CPA6: variants seen among roughly 807,000 people sequenced by gnomAD.
CPA6 encodes the protein carboxypeptidase A6.
In CPA6, 58 loss-of-function variants were observed where a neutral mutation model predicts 63.3. The ratio of observed to expected loss-of-function variants is 0.92; its 90% CI spans 0.74 to 1.14. The LOEUF is 1.14. CPA6 is among the 50% of genes most tolerant of loss of function. CPA6 has a pLI of 0.00. For missense variants in CPA6, 565 were observed against 526.6 expected, an observed-to-expected ratio of 1.07 and a Z score of -0.71; for synonymous variants, 185 against 179.0, an observed-to-expected ratio of 1.03 and a Z score of -0.27.
intron 2 of CPA6, among the ~76,000 whole-genome samples, chr8:67,586,308 C>T (rs144062194): frequency 5.0e-4 from 76 of 152,222 alleles, no homozygotes; most frequent in Admixed American, 8.5e-4. Context: ...GGGGCTTCTA[C>T]GTGGGCTTTG....
chr8:67,486,963 T>TC (rs972202785), intron 6 of CPA6, among the ~76,000 whole-genome samples: 3 of 152,000 alleles, frequency 2.0e-5, no homozygotes, highest in African/African-American at 7.3e-5. Context: ...ACTCCTGGGC[T>TC]CAAGTGATCC....
chr8:67,607,244 T>TTCTTCTTCTTCTTCTTCTTCTTCTTCC (rs1814686848), intron 2 of CPA6, among the ~76,000 whole-genome samples: 1 of 128,434 alleles, frequency 7.8e-6, no homozygotes, highest in African/African-American at 3.0e-5. Flanking sequence ...CTTCTTCTTC[T>TTCTTCTTCTTCTTCTTCTTCTTCTTCC]TCTTCTTCTC....
At chr8:67,646,973 T>C (rs1197029264) in intron 1 of CPA6, among the ~76,000 whole-genome samples, 1 of 152,192 alleles carries the variant, frequency 6.6e-6, no homozygotes, top group Non-Finnish European at 1.5e-5. Flanking sequence ...CAGAATGATA[T>C]CTAATTTATA....
intron 2 of CPA6, among the ~76,000 whole-genome samples, chr8:67,605,355 C>T (rs1814605271): frequency 1.3e-5 from 2 of 151,960 alleles, no homozygotes; most frequent in South Asian, 4.2e-4. Context: ...CCATGGATAC[C>T]AAAATTTGCA....
intron 1 of CPA6, among the ~76,000 whole-genome samples, chr8:67,699,601 T>C (rs544486593): frequency 6.6e-6 from 1 of 151,716 alleles, no homozygotes; most frequent in East Asian, 1.9e-4. Flanking sequence ...TTTTTTTTTT[T>C]CTTGAGACAG....
intron 2 of CPA6, among the ~76,000 whole-genome samples, chr8:67,544,224 G>A (rs7824497): frequency 6.6e-6 from 1 of 151,974 alleles, no homozygotes; most frequent in African/African-American, 2.4e-5. Flanking sequence ...TCAGGTTTGA[G>A]ATAAATCCAG....
chr8:67,710,758 G>T lies in CPA6; in HGVS notation c.116+35256C>A, dbSNP rs376172244. Among the ~76,000 whole-genome samples, 113 of 151,476 alleles carry T rather than the reference G, an allele frequency of 7.5e-4. 1 individual carries two copies. The East Asian group carries it at 0.013, about 17-fold the overall frequency. On this transcript the variant is annotated intron_variant, in intron 1 of 10. Coordinates refer to ENST00000297770, the MANE Select transcript of CPA6 (RefSeq NM_020361.5). ...GGGGTCTGTTTAGTCTGTTGGGGGG[G>T]GCTTAGAATTTTATTTTTGGTTAAG...
At chr8:67,675,845 A>AT (rs150004920) in intron 1 of CPA6, among the ~76,000 whole-genome samples, 4 of 152,150 alleles carry the variant, frequency 2.6e-5, no homozygotes, top group East Asian at 1.9e-4. Context: ...CTTTCTGCAC[A>AT]TTTTTTAAGA....
At chr8:67,580,905 A>G (rs1813754204) in intron 2 of CPA6, among the ~76,000 whole-genome samples, 1 of 152,126 alleles carries the variant, frequency 6.6e-6, no homozygotes, top group Non-Finnish European at 1.5e-5. Context: ...TGGCGGTCTT[A>G]GTTTTATGGC....
At chr8:67,720,557 C>T (rs148029022) in intron 1 of CPA6, among the ~76,000 whole-genome samples, 162 of 148,244 alleles carry the variant, frequency 1.1e-3, no homozygotes, top group African/African-American at 3.8e-3. Context: ...GCATCAGAAA[C>T]GGGCGGGAGG....
intron 2 of CPA6, among the ~76,000 whole-genome samples, chr8:67,532,531 A>C (rs541800579): frequency 2.0e-5 from 3 of 151,884 alleles, no homozygotes; most frequent in Non-Finnish European, 4.4e-5. Context: ...AAAATACGAA[A>C]ATTAGCCAGG....
chr8:67,513,995 G>C (rs1349834162), intron 3 of CPA6, among the ~76,000 whole-genome samples: 1 of 150,128 alleles, frequency 6.7e-6, no homozygotes, highest in Non-Finnish European at 1.5e-5. Context: ...GTCTTGCTCT[G>C]TCACCCAGGC....
intron 9 of CPA6, among the ~76,000 whole-genome samples, chr8:67,430,131 ATGTGTGTGTGTGTG>A (rs58059553): frequency 2.9e-4 from 37 of 128,670 alleles, no homozygotes; most frequent in Admixed American, 1.6e-3. Context: ...GTATATATAT[ATGTGTGTGTGTGTG>A]TGTGTGTGTG....
chr8:67,683,080 C>T lies in CPA6; in HGVS notation c.117-58829G>A, dbSNP rs77651275. 2.1e-3 allele frequency among the ~76,000 whole-genome samples: 320 copies of T among 152,332 alleles called. 7 individuals carry two copies. In the East Asian group the frequency reaches 0.055, roughly 26 times the overall value. On this transcript the variant is annotated intron_variant, in intron 1 of 10. Transcript: ENST00000297770. The stretch of plus-strand genomic sequence containing the variant: ...GTCTGGGTCCACCCGGGCTTCCCCC[C>T]GGTCTGCTGCTTCCTGGACAGTCCC...
chr8:67,628,386 G>C (rs1350441436), intron 1 of CPA6, among the ~76,000 whole-genome samples: 1 of 152,152 alleles, frequency 6.6e-6, no homozygotes, highest in Non-Finnish European at 1.5e-5. Context: ...TTTCCTTGTG[G>C]CTCCTGGCAT....
chr8:67,455,481 A>G (rs1810651027), intron 8 of CPA6, among the ~76,000 whole-genome samples: 1 of 152,008 alleles, frequency 6.6e-6, no homozygotes, highest in Non-Finnish European at 1.5e-5. Flanking sequence ...AAGAAGATAA[A>G]AAAGGTGAAA....
At chr8:67,585,313 T>A (rs1813897201) in intron 2 of CPA6, among the ~76,000 whole-genome samples, 1 of 152,168 alleles carries the variant, frequency 6.6e-6, no homozygotes, top group African/African-American at 2.4e-5. Flanking sequence ...GGGTATGAAC[T>A]TTTTTGCAGG....
At chr8:67,522,660 G>A (rs1222177006) in intron 2 of CPA6, among the ~76,000 whole-genome samples, 1 of 152,226 alleles carries the variant, frequency 6.6e-6, no homozygotes, top group Non-Finnish European at 1.5e-5. Context: ...CTCAGACCTT[G>A]GGACTCCCTG....
chr8:67,570,232 G>C lies in CPA6; in HGVS notation c.193-52185C>G, dbSNP rs539111212. Among the ~76,000 whole-genome samples the C allele has an allele frequency of 2.6e-5, 4 of 152,286 alleles. No individual in the cohort carries two copies. In the South Asian group the frequency reaches 8.3e-4, roughly 32 times the overall value. ...TATCCAGAAAAGCTGTCTTTCAGAAGTGAGGAAGAAATAAAACTTCCCCAG... is the reference window on the plus strand; with the variant it reads ...TATCCAGAAAAGCTGTCTTTCAGAACTGAGGAAGAAATAAAACTTCCCCAG... On this transcript the variant is annotated intron_variant, in intron 2 of 10. Transcript: ENST00000297770.
Sources: gnomAD v4.1 joint callset for allele counts (sites outside exome capture counted in the v4.1 genomes callset) on GRCh38, gnomAD v4.1.1 for gene constraint, MANE v1.5 for transcripts, NCBI Gene and HGNC (gene_info 2026-07-23, HGNC 2026-07-21) for gene names.